The following GABRA3 variants were observed in gnomAD, a reference collection of about 807,000 sequenced individuals.
GABRA3 encodes gamma-aminobutyric acid type A receptor subunit alpha3.
Under a neutral mutation model 30.1 loss-of-function variants are expected in GABRA3, and 10 were observed. The observed-to-expected ratio is 0.33, with a 90% CI of 0.20 to 0.56. The LOEUF (loss-of-function observed/expected upper bound fraction) is 0.56, where lower values mean the gene tolerates loss of function less well. Ranked by LOEUF, GABRA3 falls within the 20% of genes least tolerant of loss-of-function variation. The pLI is 0.89. For missense variants in GABRA3, 233 were observed against 392.0 expected (o/e 0.59, Z 3.42); for synonymous variants, 151 against 146.8 (o/e 1.03, Z -0.21).
intron 1 of GABRA3, among the ~76,000 whole-genome samples, chrX:152,365,518 C>G (rs759277562): frequency 9.0e-6 from 1 of 111,629 alleles, no homozygotes; most frequent in Non-Finnish European, 1.9e-5. Context: ...GTGATGGTTA[C>G]TTGCTACCTC....
intron 4 of GABRA3, among the ~76,000 whole-genome samples, chrX:152,257,463 G>GT (rs1179800061): frequency 8.9e-6 from 1 of 112,768 alleles, no homozygotes; most frequent in Non-Finnish European, 1.9e-5. Flanking sequence ...GCTTCCAATC[G>GT]TATGTGGGAT....
intron 1 of GABRA3, among the ~76,000 whole-genome samples, chrX:152,374,116 T>C (rs1273497256): frequency 9.0e-6 from 1 of 110,748 alleles, no homozygotes; most frequent in Non-Finnish European, 1.9e-5. Flanking sequence ...GTGAGGAGTG[T>C]CTGTTCATGT....
chrX:152,238,439 T>C (rs1220520092), intron 5 of GABRA3, among the ~76,000 whole-genome samples: 2 of 107,357 alleles, frequency 1.9e-5, no homozygotes, highest in Middle Eastern at 4.8e-3. Flanking sequence ...ATCAAGGATA[T>C]TGGTCTAAAA....
intron 8 of GABRA3, among the ~76,000 whole-genome samples, chrX:152,192,903 C>A (rs1452204793): frequency 8.9e-6 from 1 of 112,205 alleles, no homozygotes; most frequent in Non-Finnish European, 1.9e-5. Flanking sequence ...TTCTCAACCT[C>A]TTCTCTGAAT....
intron 3 of GABRA3, among the ~76,000 whole-genome samples, chrX:152,333,829 T>C (rs1940196044): frequency 8.9e-6 from 1 of 111,850 alleles, no homozygotes; most frequent in South Asian, 3.7e-4. Flanking sequence ...TTTTTAAAAC[T>C]CCACAAGTTT....
chrX:152,169,097 T>A (rs1487800015), intron 9 of GABRA3, among the ~76,000 whole-genome samples: 1 of 112,439 alleles, frequency 8.9e-6, no homozygotes, highest in Non-Finnish European at 1.9e-5. Context: ...TACACTGTGC[T>A]GCTTTCTATA....
intron 1 of GABRA3, among the ~76,000 whole-genome samples, chrX:152,405,345 C>T (rs1929904632): frequency 9.3e-6 from 1 of 107,110 alleles, no homozygotes; most frequent in Non-Finnish European, 1.9e-5. Flanking sequence ...TCCCAGTCAG[C>T]TCCACCATCA....
At chrX:152,365,520 T>G (rs779748339) in intron 1 of GABRA3, among the ~76,000 whole-genome samples, 1 of 111,767 alleles carries the variant, frequency 8.9e-6, no homozygotes, top group African/African-American at 3.2e-5. Context: ...GATGGTTACT[T>G]GCTACCTCTA....
At chrX:152,198,343 A>T in intron 7 of GABRA3, among the ~76,000 whole-genome samples, 1 of 112,386 alleles carries the variant, frequency 8.9e-6, no homozygotes, top group East Asian at 2.8e-4. Flanking sequence ...GGTTAGACCC[A>T]AAAGTTCACA....
chrX:152,278,769 C>G (rs1939140229), intron 4 of GABRA3, among the ~76,000 whole-genome samples: 1 of 111,760 alleles, frequency 8.9e-6, no homozygotes, highest in Admixed American at 9.5e-5. Flanking sequence ...TCTCCAGTAC[C>G]TGTTGTTTCC....
intron 2 of GABRA3, among the ~76,000 whole-genome samples, chrX:152,349,663 C>T (rs1340977714): frequency 6.0e-5 from 6 of 100,614 alleles, no homozygotes; most frequent in Non-Finnish European, 8.0e-5. Flanking sequence ...ATCCTAGTCT[C>T]TGATAAAACA....
intron 1 of GABRA3, 133 bp from the exon 2 acceptor site, chrX:152,364,729 CTAGT>C (rs2124495016): frequency 4.6e-6 from 2 of 439,386 alleles, no homozygotes; most frequent in East Asian, 4.3e-5. Flanking sequence ...TCTCTAGTGT[CTAGT>C]TACTCAGTGC....
chrX:152,339,931 C>T (rs974469199), intron 3 of GABRA3, among the ~76,000 whole-genome samples: 1 of 111,557 alleles, frequency 9.0e-6, no homozygotes, highest in African/African-American at 3.3e-5. Flanking sequence ...ATTTAAAGTG[C>T]ATTTCTCTCA....
At chrX:152,388,777 C>A (rs1322801684) in intron 1 of GABRA3, among the ~76,000 whole-genome samples, 2 of 111,844 alleles carry the variant, frequency 1.8e-5, no homozygotes, top group South Asian at 7.4e-4. Context: ...TGCAACCATG[C>A]AAAAGATTAT....
intron 1 of GABRA3, among the ~76,000 whole-genome samples, chrX:152,427,545 C>T (rs1930542048): frequency 8.9e-6 from 1 of 111,958 alleles, no homozygotes; most frequent in African/African-American, 3.2e-5. Flanking sequence ...CCCCACTAAC[C>T]TAGGTCTGCT....
rs1450885493 is a variant in GABRA3 at position 152,196,093 on chromosome X, G to A, written c.931+1540C>T. On this transcript the variant is annotated intron_variant, in intron 8 of 9. Coordinates refer to ENST00000370314, the MANE Select transcript of GABRA3 (RefSeq NM_000808.4). ...CTCACGTTAAGACATTAGCTTAAAA[G>A]AATGGTTTCGGCCGGGTGCTGTGGC... 2.7e-5 allele frequency among the ~76,000 whole-genome samples: 3 copies of A among 109,509 alleles called. No homozygotes were observed. The Admixed American group carries it at 3.0e-4, about 11-fold the overall frequency.
At position 152,168,295 on chromosome X, in the gene GABRA3, T is replaced by C. The variant is rs756569445; in HGVS notation, c.1412A>G (p.Asn471Ser). The C allele has an allele frequency of 5.0e-6, 6 of 1,211,375 alleles. No homozygotes were observed. The highest frequency in any genetic ancestry group is 2.2e-5 in the Admixed American group (1 of 45,982). The change falls in exon 10 of 10, where the codon AAT (asparagine) becomes AGT (serine). Residue 471 changes from asparagine to serine, a missense_variant. Asn to Ser is a conservative substitution (Grantham distance 46, BLOSUM62 1). Around this residue, in one of 6 missense-constraint regions of GABRA3, gnomAD observed 18 missense variants for 38.5 expected, o/e 0.47. Transcript: ENST00000370314. Reference protein sequence around the residue: ...IIFPVLFAIFNLVYWATYVNR... With the variant: ...IIFPVLFAIFSLVYWATYVNR... ...GACATATGTGGCCCAATAGACCAGA[T>C]TGAATATGGCAAAGAGCACAGGAAA...
At chrX:152,179,663 T>G (rs1261717221) in intron 9 of GABRA3, among the ~76,000 whole-genome samples, 1 of 109,584 alleles carries the variant, frequency 9.1e-6, no homozygotes, top group Non-Finnish European at 1.9e-5. Flanking sequence ...CCTGGCTAAT[T>G]TTTTGTATTT....
At chrX:152,382,010 T>C (rs950187817) in intron 1 of GABRA3, among the ~76,000 whole-genome samples, 1 of 111,569 alleles carries the variant, frequency 9.0e-6, no homozygotes, top group Non-Finnish European at 1.9e-5. Context: ...GCAACAAACA[T>C]ACGTGTGCAA....
Sources: gnomAD v4.1 joint callset for allele counts (sites outside exome capture counted in the v4.1 genomes callset) on GRCh38, gnomAD v4.1.1 for gene constraint, gnomAD v4.1.1 regional missense constraint, MANE v1.5 for transcripts, NCBI Gene and HGNC (gene_info 2026-07-23, HGNC 2026-07-21) for gene names.